CNTN4: variants seen among roughly 807,000 people sequenced by gnomAD.
CNTN4 encodes contactin-4.
Under a neutral mutation model 122.5 loss-of-function variants are expected in CNTN4, and 77 were observed. The observed-to-expected ratio is 0.63, with a 90% CI of 0.52 to 0.76. The LOEUF is 0.76. Ranked by LOEUF, CNTN4 falls within the 30% of genes least tolerant of loss-of-function variation. CNTN4 has a pLI of 0.00. For synonymous variants in CNTN4, 512 were observed against 447.0 expected, an observed-to-expected ratio of 1.15 and a Z score of -1.83; for missense variants, 1,256 against 1,259.1, an observed-to-expected ratio of 1.00 and a Z score of 0.04.
chr3:2,113,160 G>A (rs2033090532), intron 2 of CNTN4, among the ~76,000 whole-genome samples: 1 of 152,178 alleles, frequency 6.6e-6, no homozygotes, highest in African/African-American at 2.4e-5. Context: ...TATCAGGGTT[G>A]AGCAACTGAA....
chr3:2,582,863 G>C (rs1281919652), intron 4 of CNTN4, among the ~76,000 whole-genome samples: 2 of 150,936 alleles, frequency 1.3e-5, no homozygotes, highest in Non-Finnish European at 2.9e-5. Context: ...CCTACCTGAG[G>C]GTTATGTCCC....
intron 14 of CNTN4, among the ~76,000 whole-genome samples, chr3:3,001,248 A>G (rs1486124193): frequency 6.6e-6 from 1 of 152,200 alleles, no homozygotes; most frequent in African/African-American, 2.4e-5. Flanking sequence ...ACACAACCTC[A>G]AGTCTCTCTC....
At chr3:2,743,097 C>G (rs1275804722) in intron 5 of CNTN4, among the ~76,000 whole-genome samples, 2 of 152,068 alleles carry the variant, frequency 1.3e-5, no homozygotes, top group Non-Finnish European at 2.9e-5. Context: ...CTCATTATGC[C>G]CACAACCACT....
chr3:2,331,917 C>T (rs1311177559), intron 2 of CNTN4, among the ~76,000 whole-genome samples: 2 of 152,116 alleles, frequency 1.3e-5, no homozygotes, highest in African/African-American at 2.4e-5. Flanking sequence ...TTGTCTAGCC[C>T]ACTGCTACTG....
intron 2 of CNTN4, among the ~76,000 whole-genome samples, chr3:2,120,539 A>G (rs2033701205): frequency 6.7e-6 from 1 of 150,150 alleles, no homozygotes. Context: ...AGTAGCTGGG[A>G]TTACAGGTGC....
At chr3:2,135,351 A>G (rs1461289537) in intron 2 of CNTN4, among the ~76,000 whole-genome samples, 2 of 152,214 alleles carry the variant, frequency 1.3e-5, no homozygotes, top group African/African-American at 4.8e-5. Flanking sequence ...AAATACGAGT[A>G]CTATCTGAAA....
intron 3 of CNTN4, among the ~76,000 whole-genome samples, chr3:2,425,238 A>G (rs1430143601): frequency 1.3e-5 from 2 of 152,094 alleles, no homozygotes; most frequent in South Asian, 2.1e-4. Flanking sequence ...ATCTTGAATT[A>G]ATTTTTGTAT....
intron 13 of CNTN4, among the ~76,000 whole-genome samples, chr3:2,986,795 G>A (rs908777132): frequency 3.3e-5 from 5 of 151,982 alleles, no homozygotes; most frequent in Admixed American, 6.6e-5. Context: ...GTATTTACTC[G>A]GCCACTTAAG....
rs1559340466 is a variant in CNTN4, at chr3:2,205,173, A to T, written c.-145+104534A>T. On this transcript the variant is annotated intron_variant, in intron 2 of 24. Transcript: ENST00000418658. ...TTTTAAATTGCTTTTTAGCTTACTC[A>T]TCATACTTTTAAATACATGGATAGT... Among the ~76,000 whole-genome samples the T allele has an allele frequency of 4.0e-5, 6 of 151,384 alleles. No homozygotes were observed. The South Asian group carries it at 1.2e-3, about 31-fold the overall frequency.
At chr3:2,931,735 C>T (rs2094522086) in intron 13 of CNTN4, among the ~76,000 whole-genome samples, 1 of 152,054 alleles carries the variant, frequency 6.6e-6, no homozygotes, top group South Asian at 2.1e-4. Flanking sequence ...CAAAAGCGAT[C>T]CTCCCACCTC....
chr3:2,154,448 G>C (rs1002668603), intron 2 of CNTN4, among the ~76,000 whole-genome samples: 1 of 151,996 alleles, frequency 6.6e-6, no homozygotes, highest in African/African-American at 2.4e-5. Context: ...GTTCCATCCT[G>C]GATCATTCAG....
chr3:2,688,862 G>A (rs1175141309), intron 4 of CNTN4, among the ~76,000 whole-genome samples: 1 of 152,150 alleles, frequency 6.6e-6, no homozygotes, highest in Non-Finnish European at 1.5e-5. Flanking sequence ...CACTAGTGAC[G>A]GTTGAGCATT....
intron 3 of CNTN4, among the ~76,000 whole-genome samples, chr3:2,340,737 A>AGAGAGAGAGAGAGG (rs1168402469): frequency 1.1e-4 from 14 of 133,234 alleles, no homozygotes; most frequent in African/African-American, 3.5e-4. Flanking sequence ...AGAGAGAGAG[A>AGAGAGAGAGAGAGG]GAGTCAGAAA....
chr3:2,697,264 C>T (rs1320693772), intron 4 of CNTN4, among the ~76,000 whole-genome samples: 13 of 152,162 alleles, frequency 8.5e-5, no homozygotes, highest in Admixed American at 8.5e-4. Flanking sequence ...GCTGTGTAGA[C>T]AATGTCTGTG....
At chr3:2,564,434 G>T (rs1219734534) in intron 3 of CNTN4, among the ~76,000 whole-genome samples, 3 of 152,070 alleles carry the variant, frequency 2.0e-5, no homozygotes, top group Non-Finnish European at 4.4e-5. Context: ...GATATAATCC[G>T]AAAAATTGTT....
intron 2 of CNTN4, among the ~76,000 whole-genome samples, chr3:2,255,696 A>G (rs2040559618): frequency 6.6e-6 from 1 of 152,156 alleles, no homozygotes; most frequent in Non-Finnish European, 1.5e-5. Flanking sequence ...CTACTGGGTA[A>G]ATAACGAAAT....
At chr3:2,633,285 C>G (rs2082523016) in intron 4 of CNTN4, among the ~76,000 whole-genome samples, 1 of 152,164 alleles carries the variant, frequency 6.6e-6, no homozygotes, top group Non-Finnish European at 1.5e-5. Context: ...AATCACTGCC[C>G]TTGCCTGCTA....
chr3:2,176,672 C>G (rs1264491858), intron 2 of CNTN4, among the ~76,000 whole-genome samples: 4 of 152,104 alleles, frequency 2.6e-5, no homozygotes, highest in Non-Finnish European at 5.9e-5. Flanking sequence ...TGATATGCCA[C>G]AAGCAAACTG....
chr3:3,009,503 A>G (rs530295692), intron 14 of CNTN4, among the ~76,000 whole-genome samples: 79 of 151,326 alleles, frequency 5.2e-4, no homozygotes, highest in Non-Finnish European at 8.7e-4. Flanking sequence ...GCGCGATCTC[A>G]GCTCACTGCA....
Sources: allele counts gnomAD v4.1 joint callset (sites outside exome capture counted in the v4.1 genomes callset), GRCh38; gene constraint gnomAD v4.1.1; transcripts MANE v1.5; gene names NCBI Gene and HGNC (gene_info 2026-07-23, HGNC 2026-07-21).